Variants in PI4KA observed in about 807,000 individuals in gnomAD.
PI4KA encodes the protein PI4-kinase alpha.
A neutral mutation model predicts 271.4 loss-of-function variants in PI4KA; 122 were observed. The observed-to-expected ratio is 0.45, with a 90% CI of 0.39 to 0.52. The LOEUF is 0.52. Ranked by LOEUF, PI4KA falls within the 20% of genes least tolerant of loss-of-function variation. The pLI is 0.00. For missense variants in PI4KA, 1,969 were observed against 2,769.1 expected (o/e 0.71, Z 6.48); for synonymous variants, 1,041 against 1,078.8 (o/e 0.96, Z 0.69).
intron 1 of PI4KA, among the ~76,000 whole-genome samples, chr22:20,856,508 C>T (rs562778829): frequency 1.4e-4 from 21 of 150,256 alleles, no homozygotes; most frequent in Admixed American, 2.7e-4. Flanking sequence ...AATCTTGGCT[C>T]ACTGCAACCT....
At chr22:20,712,052 G>GT (rs950702398) in intron 50 of PI4KA, among the ~76,000 whole-genome samples, 1 of 144,272 alleles carries the variant, frequency 6.9e-6, no homozygotes, top group South Asian at 2.2e-4. Context: ...AGGTGCCCTG[G>GT]TTTTTTTGTG....
chr22:20,732,668 A>C (rs1273153149), intron 36 of PI4KA, among the ~76,000 whole-genome samples: 3 of 152,242 alleles, frequency 2.0e-5, no homozygotes, highest in Admixed American at 1.3e-4. Context: ...GCCTCAGCCC[A>C]ATCCTGGGCC....
intron 2 of PI4KA, among the ~76,000 whole-genome samples, chr22:20,838,192 G>A (rs927676946): frequency 6.7e-6 from 1 of 149,962 alleles, no homozygotes; most frequent in African/African-American, 2.4e-5. Context: ...TTTTGAAAAA[G>A]ATGATATTAT....
At chr22:20,724,250 A>G (rs1927086234) in intron 42 of PI4KA, among the ~76,000 whole-genome samples, 2 of 151,160 alleles carry the variant, frequency 1.3e-5, no homozygotes, top group South Asian at 4.2e-4. Context: ...GGTTGTAGTG[A>G]GCTGAGATCA....
intron 1 of PI4KA, among the ~76,000 whole-genome samples, chr22:20,856,405 T>C (rs1476475724): frequency 3.9e-5 from 6 of 152,012 alleles, no homozygotes; most frequent in Non-Finnish European, 8.8e-5. Context: ...CCTGTGGCTA[T>C]GGCTGTGTTC....
intron 45 of PI4KA, among the ~76,000 whole-genome samples, 184 bp from the exon 46 acceptor site, chr22:20,714,884 C>G (rs1304295442): frequency 2.0e-5 from 3 of 152,206 alleles, no homozygotes; most frequent in Non-Finnish European, 4.4e-5. Flanking sequence ...AAGGGTCCGT[C>G]CTCCTTGACT....
intron 29 of PI4KA, 177 bp downstream of exon 29, chr22:20,747,406 C>T (rs1295935490): frequency 5.9e-6 from 3 of 510,958 alleles, no homozygotes; most frequent in African/African-American, 3.9e-5. Flanking sequence ...TTTCAATGGC[C>T]ACCTCTTCTT....
intron 15 of PI4KA, 117 bp from the exon 16 acceptor site, chr22:20,799,393 C>T: frequency 1.0e-6 from 1 of 1,004,092 alleles, no homozygotes; most frequent in Non-Finnish European, 1.4e-6. Context: ...ATGCAGTGTT[C>T]ATCTGAAACT....
chr22:20,827,505 CTT>C (rs947206151), intron 3 of PI4KA, among the ~76,000 whole-genome samples: 1 of 152,120 alleles, frequency 6.6e-6, no homozygotes, highest in Non-Finnish European at 1.5e-5. Flanking sequence ...CAGCTTTACT[CTT>C]TTTCAGACTA....
chr22:20,755,818 GAAAAGA>G (rs1476214453), intron 23 of PI4KA, among the ~76,000 whole-genome samples: 1 of 147,874 alleles, frequency 6.8e-6, no homozygotes, highest in African/African-American at 2.5e-5. Context: ...AAAAAAAAAA[GAAAAGA>G]AAAAGAAAAA....
chr22:20,829,976 T>A (rs1569080920), intron 3 of PI4KA, among the ~76,000 whole-genome samples: 2 of 152,224 alleles, frequency 1.3e-5, no homozygotes, highest in Non-Finnish European at 2.9e-5. Flanking sequence ...ATTTTCTTAG[T>A]ATTTAATTCT....
At chr22:20,742,419 T>A in intron 31 of PI4KA, 64 bp from the exon 32 acceptor site, 1 of 1,589,302 alleles carries the variant, frequency 6.3e-7, no homozygotes, top group South Asian at 1.2e-5. Flanking sequence ...ACAGCTTCCC[T>A]GGGCCAACAA....
At chr22:20,763,294 T>C (rs1164262660) in intron 22 of PI4KA, among the ~76,000 whole-genome samples, 1 of 151,874 alleles carries the variant, frequency 6.6e-6, no homozygotes, top group Non-Finnish European at 1.5e-5. Flanking sequence ...ATATTTTTAG[T>C]AGAGACGGGG....
intron 3 of PI4KA, among the ~76,000 whole-genome samples, chr22:20,824,732 TCACA>T (rs361914): frequency 0.11 from 14,907 of 136,088 alleles, 964 homozygotes; most frequent in African/African-American, 0.18. Flanking sequence ...ATGTGATAAA[TCACA>T]CACACACACA....
Position 20,810,956 on chromosome 22 carries a change from A to G in PI4KA, c.1071+11T>C. On this transcript the variant is annotated intron_variant, in intron 9 of 54. Coordinates refer to ENST00000255882, the MANE Select transcript of PI4KA (RefSeq NM_058004.4). Reference sequence around the variant, plus strand: ...GCTGATCTCATGGTAATGCCCTCAGAAGCGACATACCTCCATCACACTGGC... The same window carrying G: ...GCTGATCTCATGGTAATGCCCTCAGGAGCGACATACCTCCATCACACTGGC... 6.2e-7 allele frequency: 1 copy of G among 1,604,998 alleles called. No individual in the cohort carries two copies. Among genetic ancestry groups the G allele is most frequent in the Non-Finnish European group, 8.5e-7 (1 of 1,171,672 alleles).
At chr22:20,713,461 G>A (rs1440165045) in intron 47 of PI4KA, 71 bp from the exon 48 acceptor site, 8 of 1,185,376 alleles carry the variant, frequency 6.7e-6, no homozygotes, top group South Asian at 3.9e-5. Context: ...CCAGGGATGA[G>A]TCCTCTCACA....
At chr22:20,856,384 G>C (rs557737058) in intron 1 of PI4KA, among the ~76,000 whole-genome samples, 1 of 152,124 alleles carries the variant, frequency 6.6e-6, no homozygotes, top group East Asian at 1.9e-4. Context: ...GTGGCATTAG[G>C]GAGCTGCCAA....
chr22:20,734,910 C>T (rs1432650497), intron 32 of PI4KA, among the ~76,000 whole-genome samples: 2 of 152,168 alleles, frequency 1.3e-5, no homozygotes, highest in African/African-American at 4.8e-5. Context: ...AGCGGGAAGA[C>T]CCCTCTGTGG....
At chr22:20,758,963 T>C (rs915042591) in intron 23 of PI4KA, among the ~76,000 whole-genome samples, 2 of 152,220 alleles carry the variant, frequency 1.3e-5, no homozygotes, top group Non-Finnish European at 2.9e-5. Context: ...TTCCTGACTG[T>C]TGTACAGCAG....
Sources: allele counts gnomAD v4.1 joint callset (sites outside exome capture counted in the v4.1 genomes callset), GRCh38; gene constraint gnomAD v4.1.1; transcripts MANE v1.5; gene names NCBI Gene and HGNC (gene_info 2026-07-23, HGNC 2026-07-21).